GPHN: variants seen among roughly 807,000 people sequenced by gnomAD.
GPHN encodes the protein gephyrin.
Under a neutral mutation model 95.5 loss-of-function variants are expected in GPHN, and 17 were observed. The observed-to-expected ratio is 0.18, with a 90% CI of 0.12 to 0.27. GPHN has a LOEUF of 0.27. Among genes scored for constraint, GPHN ranks in the 10% least tolerant of loss-of-function variants. GPHN has a pLI of 1.00. For missense variants in GPHN, 660 were observed against 978.1 expected (o/e 0.67, Z 4.34); for synonymous variants, 320 against 322.5 (o/e 0.99, Z 0.08).
At chr14:67,087,462 A>C (rs978507397) in intron 11 of GPHN, among the ~76,000 whole-genome samples, 1 of 151,152 alleles carries the variant, frequency 6.6e-6, no homozygotes, top group Non-Finnish European at 1.5e-5. Context: ...ACTAGACCCT[A>C]TGGTCCCACC....
intron 1 of GPHN, among the ~76,000 whole-genome samples, chr14:66,614,208 A>G (rs987096549): frequency 6.6e-6 from 1 of 152,144 alleles, no homozygotes; most frequent in Non-Finnish European, 1.5e-5. Context: ...AACTATATTA[A>G]TTTGGGTCTC....
At chr14:67,399,472 T>C in the GPHN span, among the ~76,000 whole-genome samples, 1 of 133,322 alleles carries the variant, frequency 7.5e-6, no homozygotes, top group African/African-American at 2.9e-5. Context: ...AAGAGAAGGG[T>C]AGTTTAGGTG....
intron 17 of GPHN, among the ~76,000 whole-genome samples, chr14:67,140,217 C>A (rs1239830808): frequency 6.6e-6 from 1 of 152,052 alleles, no homozygotes; most frequent in African/African-American, 2.4e-5. Flanking sequence ...AACCCTGTCT[C>A]TACTAAAAAT....
At chr14:67,071,529 T>C (rs1303820649) in intron 11 of GPHN, among the ~76,000 whole-genome samples, 1 of 152,024 alleles carries the variant, frequency 6.6e-6, no homozygotes, top group Non-Finnish European at 1.5e-5. Context: ...ATATACCTAA[T>C]GTAAATGACG....
chr14:66,810,646 A>G lies in GPHN; in HGVS notation c.202-13828A>G, dbSNP rs190611781. Reference sequence around the variant, plus strand: ...ATATACAGAAGTCAGTAGTAATATGATTTGGCCGAGTACCTTTGCTTTCAT... The same window carrying G: ...ATATACAGAAGTCAGTAGTAATATGGTTTGGCCGAGTACCTTTGCTTTCAT... On this transcript the variant is annotated intron_variant, in intron 3 of 22. Transcript: ENST00000478722. 2.0e-4 allele frequency among the ~76,000 whole-genome samples: 31 copies of G among 152,238 alleles called. 1 individual carries two copies. Among genetic ancestry groups the G allele is most frequent in the Admixed American group, 1.8e-3 (28 of 15,288 alleles).
the GPHN span, chr14:67,198,960 A>G: frequency 1.4e-6 from 1 of 702,658 alleles, no homozygotes; most frequent in Non-Finnish European, 2.6e-6. Context: ...TCTAACTCTT[A>G]ATACATTCGA....
intron 1 of GPHN, among the ~76,000 whole-genome samples, chr14:66,648,709 C>T (rs2064884513): frequency 6.6e-6 from 1 of 152,098 alleles, no homozygotes; most frequent in South Asian, 2.1e-4. Flanking sequence ...AGAACATATC[C>T]CTGTTGTTAA....
In GPHN at chr14:66,545,997, G is replaced by C. The variant is rs575090678; in HGVS notation, c.64+37406G>C. ...GACGGGGCGGCTTCGGGGGGGAGGG[G>C]CTCCTCACTTCTCAGACGGGGCGGC... On this transcript the variant is annotated intron_variant, in intron 1 of 22. Transcript: ENST00000478722. Among the ~76,000 whole-genome samples the C allele has an allele frequency of 2.5e-3, 376 of 149,312 alleles. 2 individuals carry two copies. The highest frequency in any genetic ancestry group is 4.2e-3 in the Non-Finnish European group (280 of 67,412).
At chr14:66,803,162 T>C (rs1409585451) in intron 3 of GPHN, among the ~76,000 whole-genome samples, 2 of 152,164 alleles carry the variant, frequency 1.3e-5, no homozygotes, top group African/African-American at 4.8e-5. Context: ...TGGCTAGGGA[T>C]GGTCAGCTGA....
chr14:67,467,138 G>A, the GPHN span: 3 of 152,092 alleles, frequency 2.0e-5, no homozygotes, highest in East Asian at 3.9e-4. Context: ...CTCTGTTAGA[G>A]CTTCTTTTCT....
At chr14:67,625,594 T>A in the GPHN span, among the ~76,000 whole-genome samples, 1 of 148,366 alleles carries the variant, frequency 6.7e-6, no homozygotes, top group African/African-American at 2.5e-5. Context: ...GCAGGAGAAT[T>A]GCTTGAACCT....
the GPHN span, among the ~76,000 whole-genome samples, chr14:67,280,337 T>A: frequency 3.9e-5 from 6 of 152,218 alleles, no homozygotes; most frequent in East Asian, 1.2e-3. Context: ...GCATTTTATT[T>A]TTTGGTGGTT....
At chr14:67,102,408 C>T (rs2077760675) in intron 13 of GPHN, among the ~76,000 whole-genome samples, 1 of 151,926 alleles carries the variant, frequency 6.6e-6, no homozygotes. Context: ...TGCCTGTAAT[C>T]CCAGCACTTT....
intron 1 of GPHN, among the ~76,000 whole-genome samples, chr14:66,544,686 T>C (rs1173249434): frequency 6.6e-6 from 1 of 152,044 alleles, no homozygotes; most frequent in East Asian, 1.9e-4. Flanking sequence ...GGTCAGCAGA[T>C]AAACAAGTGA....
At chr14:66,713,350 T>C (rs2069851944) in intron 2 of GPHN, among the ~76,000 whole-genome samples, 1 of 152,226 alleles carries the variant, frequency 6.6e-6, no homozygotes, top group African/African-American at 2.4e-5. Flanking sequence ...TTCTCTTACA[T>C]GTGGCTAGCC....
At chr14:67,589,758 A>G in the GPHN span, 1 of 1,038,568 alleles carries the variant, frequency 9.6e-7, no homozygotes, top group Non-Finnish European at 1.2e-6. Context: ...CTTCACAAAC[A>G]TCAACAAAGT....
Position 67,096,233 on chromosome 14 carries a change from C to T in GPHN, c.1238-4623C>T, listed in dbSNP as rs1315839870. On this transcript the variant is annotated intron_variant, in intron 12 of 22. Coordinates refer to ENST00000478722, the MANE Select transcript of GPHN (RefSeq NM_020806.5). ...AGGTTGAGAACATAGTGCAAGTGAG[C>T]ACATATTCTCTCCACAATTGGTATA... 2.6e-5 allele frequency among the ~76,000 whole-genome samples: 4 copies of T among 152,118 alleles called. No individual in the cohort carries two copies. In the South Asian group the frequency reaches 8.3e-4, roughly 31 times the overall value.
chr14:67,412,088 A>C, the GPHN span: 32 of 1,502,774 alleles, frequency 2.1e-5, no homozygotes, highest in South Asian at 3.8e-4. Context: ...GGGCCACCCC[A>C]GGTGCGCCTT....
At chr14:67,726,257 A>C in the GPHN span, 1 of 793,842 alleles carries the variant, frequency 1.3e-6, no homozygotes, top group South Asian at 1.4e-5. Context: ...GCCTTCATAG[A>C]GCCTAGGAAT....
Sources: gnomAD v4.1 joint callset for allele counts (sites outside exome capture counted in the v4.1 genomes callset) on GRCh38, gnomAD v4.1.1 for gene constraint, MANE v1.5 for transcripts, NCBI Gene and HGNC (gene_info 2026-07-23, HGNC 2026-07-21) for gene names.